The following TMC5 variants were observed in gnomAD, a reference collection of about 807,000 sequenced individuals.
TMC5 encodes the protein transmembrane channel-like protein 5.
Under a neutral mutation model 110.5 loss-of-function variants are expected in TMC5, and 86 were observed. The ratio of observed to expected loss-of-function variants is 0.78; its 90% confidence interval spans 0.65 to 0.93. TMC5 has a LOEUF of 0.93. Ranked by LOEUF, TMC5 falls within the 40% of genes least tolerant of loss-of-function variation. The pLI, the probability that TMC5 is intolerant of heterozygous loss-of-function variation, is 0.00. For missense variants in TMC5, 1,144 were observed against 1,222.8 expected (o/e 0.94, Z 0.96); for synonymous variants, 455 against 439.5 (o/e 1.04, Z -0.44).
At chr16:19,463,672 A>G in intron 7 of TMC5, 104 bp from the exon 8 acceptor site, 4 of 1,396,578 alleles carry the variant, frequency 2.9e-6, no homozygotes, top group Middle Eastern at 1.9e-4. Flanking sequence ...CCTGCACTTA[A>G]CAATACTCCA....
intron 1 of TMC5, among the ~76,000 whole-genome samples, chr16:19,421,712 G>C (rs185652261): frequency 7.9e-5 from 12 of 152,296 alleles, no homozygotes; most frequent in Non-Finnish European, 1.8e-4. Flanking sequence ...AACTTCCCAA[G>C]CTTGATGTCA....
intron 6 of TMC5, chr16:19,462,507 G>A (rs1403083821): frequency 1.4e-6 from 1 of 701,944 alleles, no homozygotes; most frequent in Non-Finnish European, 2.6e-6. Context: ...ACACAGCAGG[G>A]GAGGCCTCAC....
At chr16:19,469,922 TCTCA>T in intron 10 of TMC5, 97 bp downstream of exon 10, 1 of 1,344,002 alleles carries the variant, frequency 7.4e-7, no homozygotes, top group East Asian at 2.4e-5. Flanking sequence ...TGAATTGGAG[TCTCA>T]CTCTGTCGCC....
intron 6 of TMC5, among the ~76,000 whole-genome samples, chr16:19,461,062 A>C (rs1968009711): frequency 6.6e-6 from 1 of 152,224 alleles, no homozygotes; most frequent in Admixed American, 6.5e-5. Flanking sequence ...GAGATCCTGG[A>C]ATAGAAAATG....
At chr16:19,420,018 G>A (rs1304365545) in intron 1 of TMC5, among the ~76,000 whole-genome samples, 1 of 152,142 alleles carries the variant, frequency 6.6e-6, no homozygotes, top group East Asian at 1.9e-4. Context: ...AGGGAGTGTA[G>A]TGGTGTGATC....
intron 2 of TMC5, among the ~76,000 whole-genome samples, chr16:19,434,229 ATATAAT>A (rs1967271764): frequency 8.0e-6 from 1 of 124,402 alleles, no homozygotes; most frequent in African/African-American, 3.1e-5. Flanking sequence ...ATATCTATAT[ATATAAT>A]ATATATCTAT....
At chr16:19,457,291 G>A (rs1967903553) in intron 5 of TMC5, among the ~76,000 whole-genome samples, 1 of 152,172 alleles carries the variant, frequency 6.6e-6, no homozygotes, top group Admixed American at 6.5e-5. Flanking sequence ...CTACTCAGGA[G>A]GCTAAGGTGG....
At chr16:19,426,245 A>C (rs1183954954) in intron 1 of TMC5, among the ~76,000 whole-genome samples, 1 of 152,210 alleles carries the variant, frequency 6.6e-6, no homozygotes, top group East Asian at 1.9e-4. Context: ...GTGGATCCAG[A>C]AGGAGGTTCT....
chr16:19,428,132 G>A (rs576971206), intron 1 of TMC5, among the ~76,000 whole-genome samples: 1 of 152,148 alleles, frequency 6.6e-6, no homozygotes, highest in Non-Finnish European at 1.5e-5. Context: ...TGGTAAAAGA[G>A]GAGGAATCTT....
At chr16:19,443,320 T>G (rs1445366249) in intron 3 of TMC5, among the ~76,000 whole-genome samples, 1 of 152,230 alleles carries the variant, frequency 6.6e-6, no homozygotes, top group African/African-American at 2.4e-5. Context: ...ATTCAGCACT[T>G]TCTGGCCTCA....
chr16:19,453,037 C>G (rs1014373664), intron 5 of TMC5, among the ~76,000 whole-genome samples: 1 of 149,938 alleles, frequency 6.7e-6, no homozygotes, highest in Non-Finnish European at 1.5e-5. Flanking sequence ...CACAGGAACC[C>G]TGGTAGAAGA....
intron 5 of TMC5, among the ~76,000 whole-genome samples, chr16:19,455,470 A>C (rs868867574): frequency 6.6e-6 from 1 of 152,180 alleles, no homozygotes; most frequent in Non-Finnish European, 1.5e-5. Flanking sequence ...AACAAGAAGC[A>C]TGGAGGGAGG....
intron 5 of TMC5, among the ~76,000 whole-genome samples, chr16:19,459,532 GT>G (rs1967967017): frequency 6.6e-6 from 1 of 152,002 alleles, no homozygotes; most frequent in Admixed American, 6.6e-5. Flanking sequence ...AATCCTAGCA[GT>G]TTGGGAGGCT....
intron 5 of TMC5, among the ~76,000 whole-genome samples, chr16:19,450,907 A>G (rs1055039613): frequency 6.6e-6 from 1 of 152,202 alleles, no homozygotes; most frequent in Non-Finnish European, 1.5e-5. Context: ...GCAATCAGTT[A>G]GGAAGCTCTC....
At chr16:19,463,213 T>G in intron 6 of TMC5, 67 bp from the exon 7 acceptor site, 1 of 1,230,784 alleles carries the variant, frequency 8.1e-7, no homozygotes, top group Non-Finnish European at 1.2e-6. Flanking sequence ...AGCCACCATG[T>G]AACTATTTTT....
chr16:19,482,380 C>A (rs1470032116), intron 15 of TMC5, among the ~76,000 whole-genome samples: 1 of 152,130 alleles, frequency 6.6e-6, no homozygotes, highest in East Asian at 1.9e-4. Context: ...ATAAGCCACC[C>A]AGTTTATGGA....
At position 19,440,009 on chromosome 16, in the gene TMC5, AC is replaced by A. The variant is rs1967443279; in HGVS notation, c.-28del. The A allele has an allele frequency of 1.3e-6, 2 of 1,557,476 alleles. No individual in the cohort carries two copies. On this transcript the variant is annotated 5_prime_UTR_variant, in exon 3 of 22. The change abolishes the stop of an existing upstream ORF in the 5' untranslated region. Transcript: ENST00000542583. Reference sequence around the variant, plus strand: ...GTAATTGCAAATGCTGGGACAGTTTACCACTCCAGGGTGAAGAGTCCATACC... The same window carrying A: ...GTAATTGCAAATGCTGGGACAGTTTACACTCCAGGGTGAAGAGTCCATACC...
intron 13 of TMC5, among the ~76,000 whole-genome samples, chr16:19,477,762 A>G (rs1459866794): frequency 2.0e-5 from 3 of 152,174 alleles, no homozygotes; most frequent in Non-Finnish European, 4.4e-5. Flanking sequence ...GAGTCACTTA[A>G]TCTCTTTGAG....
intron 11 of TMC5, 119 bp downstream of exon 11, chr16:19,472,362 TAGCA>T: frequency 1.7e-6 from 2 of 1,152,630 alleles, no homozygotes; most frequent in Non-Finnish European, 2.5e-6. Context: ...GCATCAGCAC[TAGCA>T]GAGAACTTGT....
Sources: gnomAD v4.1 joint callset for allele counts (sites outside exome capture counted in the v4.1 genomes callset) on GRCh38, gnomAD v4.1.1 for gene constraint, MANE v1.5 for transcripts, NCBI Gene and HGNC (gene_info 2026-07-23, HGNC 2026-07-21) for gene names.